The following ULK2 variants were observed in gnomAD, a reference collection of about 807,000 sequenced individuals.
ULK2 encodes the protein unc-51 like autophagy activating kinase 2.
In ULK2, 76 loss-of-function variants were observed where a neutral mutation model predicts 127.5. The ratio of observed to expected loss-of-function variants is 0.60; its 90% confidence interval spans 0.50 to 0.72. ULK2 has a LOEUF of 0.72. ULK2 is among the 30% of genes least tolerant of loss of function. The pLI is 0.00. For synonymous variants in ULK2, 452 were observed against 461.9 expected, an observed-to-expected ratio of 0.98 and a Z score of 0.28; for missense variants, 1,144 against 1,295.9, an observed-to-expected ratio of 0.88 and a Z score of 1.80.
intron 12 of ULK2, among the ~76,000 whole-genome samples, chr17:19,821,229 C>T (rs1356005788): frequency 2.6e-5 from 4 of 152,130 alleles, no homozygotes; most frequent in African/African-American, 4.8e-5. Flanking sequence ...ATCACTTGAA[C>T]GCGGGAGGCA....
At chr17:19,823,308 T>C (rs2041207686) in intron 12 of ULK2, among the ~76,000 whole-genome samples, 1 of 152,000 alleles carries the variant, frequency 6.6e-6, no homozygotes, top group Non-Finnish European at 1.5e-5. Flanking sequence ...CAGTTAGTTC[T>C]ACATTCAGCT....
chr17:19,856,162 C>T (rs943910179), intron 3 of ULK2: 1 of 152,256 alleles, frequency 6.6e-6, no homozygotes, highest in African/African-American at 2.4e-5. Flanking sequence ...CCTTTCCTAT[C>T]ACTCCCTGGG....
chr17:19,795,416 C>T lies in ULK2; in HGVS notation c.2101+206G>A, dbSNP rs910694327. 4.1e-5 allele frequency among the ~76,000 whole-genome samples: 6 copies of T among 147,226 alleles called. No homozygotes were observed. The East Asian group carries it at 8.1e-4, about 20-fold the overall frequency. ...TCCATTAGTAACGCACAGGCTGCTG[C>T]TCATCAAGATACTGAATAAGGTCCT... On this transcript the variant is annotated intron_variant, in intron 20 of 26. Coordinates refer to ENST00000395544, the MANE Select transcript of ULK2 (RefSeq NM_014683.4).
intron 3 of ULK2, among the ~76,000 whole-genome samples, chr17:19,863,496 GTTTTTTT>G (rs774471418): frequency 9.1e-5 from 12 of 131,870 alleles, no homozygotes; most frequent in Non-Finnish European, 1.6e-4. Context: ...TGTGATTCTA[GTTTTTTT>G]TTTTTTTTTT....
intron 5 of ULK2, 72 bp from the exon 6 acceptor site, chr17:19,846,982 G>A (rs1374478495): frequency 2.1e-6 from 3 of 1,440,914 alleles, no homozygotes; most frequent in Non-Finnish European, 2.8e-6. Flanking sequence ...CCATCAACAG[G>A]ATTGGGTTGT....
At chr17:19,802,568 C>A (rs2087423637) in intron 15 of ULK2, among the ~76,000 whole-genome samples, 1 of 152,164 alleles carries the variant, frequency 6.6e-6, no homozygotes, top group African/African-American at 2.4e-5. Context: ...CTTCTGCATT[C>A]AATCTGTTGT....
intron 10 of ULK2, among the ~76,000 whole-genome samples, chr17:19,832,266 CTTTTT>C (rs139741876): frequency 1.4e-5 from 2 of 140,448 alleles, no homozygotes; most frequent in Non-Finnish European, 3.1e-5. Flanking sequence ...GAAACATTTT[CTTTTT>C]TTTTTTTTTT....
At chr17:19,787,684 G>T (rs1233346291) in intron 20 of ULK2, among the ~76,000 whole-genome samples, 2 of 152,096 alleles carry the variant, frequency 1.3e-5, no homozygotes, top group South Asian at 2.1e-4. Flanking sequence ...AAAATAGAAG[G>T]CTCCACCAAT....
At position 19,795,730 on chromosome 17, in the gene ULK2, A is replaced by G; in HGVS notation, c.1998-5T>C. The G allele has an allele frequency of 1.2e-6, 2 of 1,611,432 alleles. No homozygotes were observed. Among genetic ancestry groups the G allele is most frequent in the South Asian group, 1.1e-5 (1 of 91,010 alleles). The stretch of plus-strand genomic sequence containing the variant: ...AACTTCCCGGTACTGACAGATCTAA[A>G]AAGAATAGTGATGTTTTTAATAAAG... On this transcript the variant is annotated splice_region_variant and splice_polypyrimidine_tract_variant and intron_variant, in intron 19 of 26. Coordinates refer to ENST00000395544, the MANE Select transcript of ULK2 (RefSeq NM_014683.4).
At chr17:19,855,717 C>G (rs2042113187) in intron 3 of ULK2, 1 of 152,214 alleles carries the variant, frequency 6.6e-6, no homozygotes. Context: ...CTCTGATTCC[C>G]TCTTGTTTAC....
chr17:19,776,355 G>T lies in ULK2; in HGVS notation c.3105C>A (p.Thr1035=). ...CACGGGATGAGCCTGCTGCTCACAC[G>T]GTTGCGGTGCTATGGCAGAGCGCCG... ...RLSALCHSTA[T]V The change falls in exon 27 of 27, where the codon ACC becomes ACA. Residue 1035 remains threonine (T), a synonymous_variant. Transcript: ENST00000395544. 6.2e-7 allele frequency: 1 copy of T among 1,604,960 alleles called. No individual in the cohort carries two copies. Among genetic ancestry groups the T allele is most frequent in the Non-Finnish European group, 8.5e-7 (1 of 1,176,026 alleles).
Position 19,801,860 on chromosome 17 carries a change from G to A in ULK2, c.1358C>T (p.Ser453Phe). 6.2e-7 allele frequency: 1 copy of A among 1,614,218 alleles called. No individual in the cohort carries two copies. The highest frequency in any genetic ancestry group is 8.5e-7 in the Non-Finnish European group (1 of 1,180,030). ...PMGFLRPGSCSPVPADTAQTV... is the reference protein window; with the variant it reads ...PMGFLRPGSCFPVPADTAQTV... ...CTGTGCTGTGTCTGCTGGTACTGGGGAGCATGATCCCGGCCGGAGGAAGCC... is the reference window on the plus strand; with the variant it reads ...CTGTGCTGTGTCTGCTGGTACTGGGAAGCATGATCCCGGCCGGAGGAAGCC... The change falls in exon 16 of 27, where the codon TCC becomes TTC. Residue 453 changes from serine to phenylalanine, a missense_variant. Transcript: ENST00000395544.
Position 19,846,909 on chromosome 17 carries a change from C to T in ULK2, c.297G>A (p.Ala99=), listed in dbSNP as rs1209165996. The T allele has an allele frequency of 8.1e-6, 13 of 1,605,720 alleles. No homozygotes were observed. The highest frequency in any genetic ancestry group is 1.7e-5 in the Admixed American group (1 of 58,524). Residue 99 remains alanine (A), a splice_region_variant and synonymous_variant, in exon 6 of 27, where the codon GCG becomes GCA. Transcript: ENST00000395544. ...TCGTGTCTTCACTGAGAGTCCCTTT[C>T]GCTGGTACAAAAGGAGTCACGTAAA... is the stretch of plus-strand genomic sequence containing the variant. ...NGGDLADYLQ[A]KGTLSEDTIR...
chr17:19,849,015 T>C (rs1252696986), intron 5 of ULK2, among the ~76,000 whole-genome samples: 1 of 152,156 alleles, frequency 6.6e-6, no homozygotes, highest in African/African-American at 2.4e-5. Context: ...TTTTCCACTA[T>C]AATTTTTTAA....
rs115356793 is a variant in ULK2 at position 19,849,044 on chromosome 17, G to A, written c.295+325C>T. 7.0e-3 allele frequency among the ~76,000 whole-genome samples: 1,059 copies of A among 151,930 alleles called. 16 individuals are homozygous for A. The highest frequency in any genetic ancestry group is 0.023 in the African/African-American group (954 of 41,426). The stretch of plus-strand genomic sequence containing the variant: ...TTTTTAATTTTGAAAGAAACGAAAC[G>A]GACTAAAACTCAGTCAAGCCTTTTG... On this transcript the variant is annotated intron_variant, in intron 5 of 26. Coordinates refer to ENST00000395544, the MANE Select transcript of ULK2 (RefSeq NM_014683.4).
chr17:19,842,556 AT>A (rs1448807857), intron 8 of ULK2, among the ~76,000 whole-genome samples: 2 of 152,088 alleles, frequency 1.3e-5, no homozygotes, highest in African/African-American at 4.8e-5. Flanking sequence ...CAGTTTTCAA[AT>A]TCGAAGATCT....
rs2086784258 is a variant in ULK2, at chr17:19,774,630, A to G, written c.*1719T>C. On this transcript the variant is annotated 3_prime_UTR_variant, in exon 27 of 27. Transcript: ENST00000395544. ...TGTTCCTGGAAGCCTGCATGACAGT[A>G]GCCAAGATCTAAATCCTGGGGCAGG... 6.6e-6 allele frequency: 1 copy of G among 152,266 alleles called. No individual in the cohort carries two copies. The highest frequency in any genetic ancestry group is 2.1e-4 in the South Asian group (1 of 4,836). 9.4% of individuals were successfully genotyped at this position (152,266 alleles called of 1,614,324 possible). A position where few individuals can be genotyped will look rare whatever the true frequency, so the allele number is the denominator to read the frequency against.
chr17:19,793,563 A>C (rs1263236290), intron 20 of ULK2, among the ~76,000 whole-genome samples: 1 of 152,180 alleles, frequency 6.6e-6, no homozygotes, highest in Non-Finnish European at 1.5e-5. Flanking sequence ...TAGAATTATA[A>C]AACTCTTGGA....
At chr17:19,783,638 C>T in intron 22 of ULK2, 59 bp downstream of exon 22, 2 of 1,351,752 alleles carry the variant, frequency 1.5e-6, no homozygotes, top group African/African-American at 3.0e-5. Flanking sequence ...CTTGTCATCA[C>T]TAGAATGTTC....
Sources: gnomAD v4.1 joint callset for allele counts (sites outside exome capture counted in the v4.1 genomes callset) on GRCh38, gnomAD v4.1.1 for gene constraint, MANE v1.5 for transcripts, NCBI Gene and HGNC (gene_info 2026-07-23, HGNC 2026-07-21) for gene names.